NOL4: variants seen among roughly 807,000 people sequenced by gnomAD.
NOL4 encodes the protein nucleolar protein 4, also known as cancer/testis antigen 125.
In NOL4, 17 loss-of-function variants were observed where a neutral mutation model predicts 75.9. The ratio of observed to expected loss-of-function variants is 0.22; its 90% CI spans 0.15 to 0.34. The LOEUF (loss-of-function observed/expected upper bound fraction) is 0.34, where lower values mean the gene tolerates loss of function less well. NOL4 is among the 10% of genes least tolerant of loss of function. NOL4 has a pLI of 1.00. For synonymous variants in NOL4, 292 were observed against 289.9 expected (o/e 1.01, Z -0.07); for missense variants, 614 against 793.5 (o/e 0.77, Z 2.72).
At chr18:34,023,129 T>A (rs2144519120) in intron 5 of NOL4, among the ~76,000 whole-genome samples, 1 of 152,304 alleles carries the variant, frequency 6.6e-6, no homozygotes, top group Non-Finnish European at 1.5e-5. Context: ...ATATACATAC[T>A]CACATATTTT....
chr18:34,180,440 T>C lies in NOL4; in HGVS notation c.264+42550A>G, dbSNP rs993549365. Among the ~76,000 whole-genome samples the C allele has an allele frequency of 6.6e-5, 10 of 151,608 alleles. No individual in the cohort carries two copies. In the East Asian group the frequency reaches 1.4e-3, roughly 21 times the overall value. The stretch of plus-strand genomic sequence containing the variant: ...TTGAGAAAAATCCAACATGCTTCCA[T>C]GACAAAAAAGCTCAACAAACTGGGG... On this transcript the variant is annotated intron_variant, in intron 1 of 10. Coordinates refer to ENST00000261592, the MANE Select transcript of NOL4 (RefSeq NM_003787.5).
chr18:34,085,259 G>A (rs1294210637), intron 5 of NOL4, among the ~76,000 whole-genome samples: 2 of 152,006 alleles, frequency 1.3e-5, no homozygotes, highest in East Asian at 1.9e-4. Flanking sequence ...AGGATTAAAC[G>A]GTCTAGCATC....
intron 2 of NOL4, among the ~76,000 whole-genome samples, chr18:34,107,183 C>T (rs548435315): frequency 7.8e-4 from 119 of 152,218 alleles, no homozygotes; most frequent in African/African-American, 2.4e-3. Flanking sequence ...CTGAATCAAT[C>T]CTATGACTTG....
chr18:34,118,243 C>A (rs769629046), intron 2 of NOL4, among the ~76,000 whole-genome samples: 2 of 152,028 alleles, frequency 1.3e-5, no homozygotes, highest in Non-Finnish European at 2.9e-5. Flanking sequence ...ACTGTATGTA[C>A]CTAAAAGAAT....
chr18:34,143,630 G>T (rs966152232), intron 1 of NOL4, among the ~76,000 whole-genome samples: 2 of 152,004 alleles, frequency 1.3e-5, no homozygotes, highest in Admixed American at 6.6e-5. Context: ...ACTTTGGGAG[G>T]CCGAGGCGGG....
At chr18:34,175,263 AC>A (rs1326071100) in intron 1 of NOL4, among the ~76,000 whole-genome samples, 1 of 152,106 alleles carries the variant, frequency 6.6e-6, no homozygotes, top group Non-Finnish European at 1.5e-5. Flanking sequence ...ACCCCACTTA[AC>A]AGGCTGCCTC....
chr18:34,006,417 A>G (rs2074030327), intron 6 of NOL4, among the ~76,000 whole-genome samples: 2 of 152,048 alleles, frequency 1.3e-5, no homozygotes, highest in African/African-American at 4.8e-5. Flanking sequence ...GTGGCTGGGC[A>G]TTAACCAATT....
intron 5 of NOL4, among the ~76,000 whole-genome samples, chr18:34,067,239 T>A (rs1020575889): frequency 6.6e-6 from 1 of 152,150 alleles, no homozygotes; most frequent in Non-Finnish European, 1.5e-5. Context: ...ATGTAGTAGA[T>A]AAAAGAATTT....
At chr18:34,138,925 T>C (rs1430123399) in intron 1 of NOL4, among the ~76,000 whole-genome samples, 1 of 152,216 alleles carries the variant, frequency 6.6e-6, no homozygotes, top group Non-Finnish European at 1.5e-5. Context: ...TCTGCATCTA[T>C]TGAGATAAAC....
At chr18:34,104,439 T>C (rs1248931695) in intron 3 of NOL4, among the ~76,000 whole-genome samples, 1 of 151,978 alleles carries the variant, frequency 6.6e-6, no homozygotes, top group Non-Finnish European at 1.5e-5. Context: ...AACACAATTA[T>C]TTGTATTTTT....
At chr18:34,173,364 G>C (rs2033230353) in intron 1 of NOL4, among the ~76,000 whole-genome samples, 1 of 152,004 alleles carries the variant, frequency 6.6e-6, no homozygotes. Flanking sequence ...TTTGATATTT[G>C]ATGAGAGGGC....
intron 1 of NOL4, among the ~76,000 whole-genome samples, chr18:34,211,111 AGAAG>A (rs34370429): frequency 0.49 from 73,222 of 149,166 alleles, 18,505 homozygotes; most frequent in South Asian, 0.57. Flanking sequence ...AAGGAAGGAA[AGAAG>A]GAAGGAAGGA....
intron 2 of NOL4, among the ~76,000 whole-genome samples, chr18:34,127,051 G>A (rs1328451188): frequency 6.6e-6 from 1 of 151,742 alleles, no homozygotes; most frequent in African/African-American, 2.4e-5. Flanking sequence ...AATTATGATT[G>A]CCTTTACATA....
intron 10 of NOL4, among the ~76,000 whole-genome samples, chr18:33,860,294 C>G (rs1027915174): frequency 6.6e-6 from 1 of 152,064 alleles, no homozygotes; most frequent in Non-Finnish European, 1.5e-5. Context: ...CCCTACCTCC[C>G]CCCAAATCTC....
chr18:33,960,435 A>T (rs1329767664), intron 6 of NOL4, among the ~76,000 whole-genome samples: 1 of 152,136 alleles, frequency 6.6e-6, no homozygotes, highest in African/African-American at 2.4e-5. Flanking sequence ...CAGCAATAAC[A>T]TACAACTTTT....
rs377281667 is a variant in NOL4, at chr18:34,223,556, A to G, written c.-303T>C. On this transcript the variant is annotated 5_prime_UTR_variant, in exon 1 of 11. Coordinates refer to ENST00000261592, the MANE Select transcript of NOL4 (RefSeq NM_003787.5). ...ATTTTGTGACCAGGACCATCCCAAC[A>G]CCATTCTGGCCCAGAGGAGCTGGGT... The G allele has an allele frequency of 1.1e-4, 48 of 420,740 alleles. No individual in the cohort carries two copies. In the East Asian group the frequency reaches 1.6e-3, roughly 14 times the overall value. 26.1% of individuals were successfully genotyped at this position (420,740 alleles called of 1,614,324 possible). A position where few individuals can be genotyped will look rare whatever the true frequency, so the allele number is the denominator to read the frequency against.
At chr18:34,144,963 A>C (rs2146032460) in intron 1 of NOL4, among the ~76,000 whole-genome samples, 1 of 152,230 alleles carries the variant, frequency 6.6e-6, no homozygotes, top group East Asian at 1.9e-4. Flanking sequence ...GAAATGATGC[A>C]GAAATAACCA....
intron 6 of NOL4, among the ~76,000 whole-genome samples, chr18:33,975,745 A>C (rs2145922067): frequency 6.6e-6 from 1 of 152,358 alleles, no homozygotes; most frequent in East Asian, 1.9e-4. Context: ...ACTGCACTCC[A>C]GCCCAGATGT....
At chr18:33,972,287 C>A (rs915716988) in intron 6 of NOL4, among the ~76,000 whole-genome samples, 1 of 150,186 alleles carries the variant, frequency 6.7e-6, no homozygotes, top group African/African-American at 2.4e-5. Context: ...TAAAAAAAAA[C>A]AAATAACCTG....
Sources: gnomAD v4.1 joint callset for allele counts (sites outside exome capture counted in the v4.1 genomes callset) on GRCh38, gnomAD v4.1.1 for gene constraint, MANE v1.5 for transcripts, NCBI Gene and HGNC (gene_info 2026-07-23, HGNC 2026-07-21) for gene names.